Variants in ADGRD1 observed in about 807,000 individuals in gnomAD.
ADGRD1 encodes the protein adhesion G protein-coupled receptor D1, also known as G-protein coupled receptor 133.
A neutral mutation model predicts 113.4 loss-of-function variants in ADGRD1; 77 were observed. The observed-to-expected ratio is 0.68, with a 90% CI of 0.57 to 0.82. ADGRD1 has a LOEUF of 0.82. Among genes scored for constraint, ADGRD1 ranks in the 40% least tolerant of loss-of-function variants. The pLI is 0.00. For synonymous variants in ADGRD1, 474 were observed against 475.0 expected, an observed-to-expected ratio of 1.00 and a Z score of 0.03; for missense variants, 1,036 against 1,139.1, an observed-to-expected ratio of 0.91 and a Z score of 1.30.
chr12:131,133,539 G>C (rs1008315670), intron 21 of ADGRD1, among the ~76,000 whole-genome samples: 13 of 152,214 alleles, frequency 8.5e-5, no homozygotes, highest in African/African-American at 3.1e-4. Context: ...TGAAGGCATT[G>C]CCCATCCTTC....
chr12:131,122,340 A>C (rs1950618581), intron 20 of ADGRD1, among the ~76,000 whole-genome samples: 1 of 152,026 alleles, frequency 6.6e-6, no homozygotes, highest in Non-Finnish European at 1.5e-5. Context: ...CTTTCAGTGA[A>C]TCGCTGTCAG....
At chr12:130,987,036 C>T (rs1169867122) in intron 5 of ADGRD1, 59 bp from the exon 6 acceptor site, 1 of 1,507,132 alleles carries the variant, frequency 6.6e-7, no homozygotes, top group Non-Finnish European at 9.2e-7. Flanking sequence ...CAGGAAAAAC[C>T]TGTGCATGGG....
intron 23 of ADGRD1, 23 bp downstream of exon 23, chr12:131,137,037 C>T: frequency 1.3e-6 from 2 of 1,590,790 alleles, no homozygotes; most frequent in Non-Finnish European, 1.7e-6. Context: ...TGCTTGCTGG[C>T]AGGTGCAGGT....
chr12:131,122,399 G>A lies in ADGRD1; in HGVS notation c.2175+1486G>A, dbSNP rs950775198. Among the ~76,000 whole-genome samples the A allele has an allele frequency of 5.9e-5, 9 of 152,148 alleles. No homozygotes were observed. The East Asian group carries it at 1.5e-3, about 26-fold the overall frequency. ...CTGCGCGCTTGAGCTCTTAGGGTCT[G>A]GGGGCCGCAGCGCCTCCCCGGGGCT... On this transcript the variant is annotated intron_variant, in intron 20 of 24. Coordinates refer to ENST00000261654, the MANE Select transcript of ADGRD1 (RefSeq NM_198827.5).
At chr12:130,998,270 C>T (rs1476025786) in intron 8 of ADGRD1, among the ~76,000 whole-genome samples, 1 of 152,118 alleles carries the variant, frequency 6.6e-6, no homozygotes. Context: ...TACAAGACAT[C>T]TACGAGGCAG....
chr12:131,135,861 C>T (rs571969901), intron 21 of ADGRD1, among the ~76,000 whole-genome samples, 176 bp from the exon 22 acceptor site: 6 of 152,308 alleles, frequency 3.9e-5, no homozygotes, highest in Admixed American at 6.5e-5. Context: ...GTGGAAACAC[C>T]GAGGCTCCTC....
chr12:131,134,953 G>C (rs1188505515), intron 21 of ADGRD1, among the ~76,000 whole-genome samples: 4 of 152,238 alleles, frequency 2.6e-5, no homozygotes, highest in Admixed American at 1.3e-4. Flanking sequence ...ACTGGCCTGA[G>C]TGATGAGGGG....
chr12:130,966,422 C>T lies in ADGRD1; in HGVS notation c.104-41C>T. ...GGTTCTTACCCTCTGGTTCTTTCCT[C>T]TCTAATGATGATTTAAAATTTTTAT... On this transcript the variant is annotated intron_variant, in intron 2 of 24. Coordinates refer to ENST00000261654, the MANE Select transcript of ADGRD1 (RefSeq NM_198827.5). This position sits in a 1 kb window ranked among gnomAD's most constrained non-coding sequence, Gnocchi z 4.6. 2 of 1,318,810 alleles carry T rather than the reference C, an allele frequency of 1.5e-6. No homozygotes were observed. Among genetic ancestry groups the T allele is most frequent in the Non-Finnish European group, 2.2e-6 (2 of 911,320 alleles). The allele number at this position is 1,318,810 out of a possible 1,614,324, so 81.7% of individuals were successfully genotyped here.
At chr12:131,028,364 A>G (rs1880220807) in intron 13 of ADGRD1, among the ~76,000 whole-genome samples, 1 of 152,144 alleles carries the variant, frequency 6.6e-6, no homozygotes, top group Non-Finnish European at 1.5e-5. Flanking sequence ...TTTGTTTGAT[A>G]TACGTATTGC....
chr12:131,016,798 C>T (rs1032876111), intron 13 of ADGRD1, among the ~76,000 whole-genome samples: 2 of 151,796 alleles, frequency 1.3e-5, no homozygotes, highest in African/African-American at 4.8e-5. Context: ...GAGACTGAGG[C>T]AGGAGAATCA....
intron 13 of ADGRD1, among the ~76,000 whole-genome samples, chr12:131,018,755 A>G (rs996362834): frequency 3.9e-5 from 6 of 152,104 alleles, no homozygotes; most frequent in Admixed American, 3.9e-4. Context: ...CTGTTAGCAG[A>G]GGTGTTGACA....
intron 17 of ADGRD1, among the ~76,000 whole-genome samples, chr12:131,106,385 G>C (rs1282748384): frequency 1.3e-5 from 2 of 152,198 alleles, no homozygotes; most frequent in Non-Finnish European, 2.9e-5. Context: ...CATGGAGTGG[G>C]GGGTTCTCTG....
At chr12:131,071,112 GGCTAAGTGAAAGGAGGTGGA>G (rs1348317412) in intron 13 of ADGRD1, among the ~76,000 whole-genome samples, 2 of 142,652 alleles carry the variant, frequency 1.4e-5, no homozygotes, top group South Asian at 2.5e-4. Flanking sequence ...AAGGAGGTGG[GGCTAAGTGAAAGGAGGTGGA>G]GCCATGTGCA....
At chr12:131,139,007 C>T (rs1951179595) in intron 24 of ADGRD1, among the ~76,000 whole-genome samples, 161 bp from the exon 25 acceptor site, 1 of 152,206 alleles carries the variant, frequency 6.6e-6, no homozygotes, top group Non-Finnish European at 1.5e-5. Flanking sequence ...CGCACATCCT[C>T]ATCTCCCCCA....
chr12:131,044,309 G>A lies in ADGRD1; in HGVS notation c.1473+29969G>A, dbSNP rs891286585. On this transcript the variant is annotated intron_variant, in intron 13 of 24. Transcript: ENST00000261654. ...CTGTGTGCACAAAAGCATCGGGGCCGAGGAGGCCACGCTGTGTCTGCAGAG... is the reference window on the plus strand; with the variant it reads ...CTGTGTGCACAAAAGCATCGGGGCCAAGGAGGCCACGCTGTGTCTGCAGAG... Among the ~76,000 whole-genome samples the A allele has an allele frequency of 2.6e-5, 4 of 152,194 alleles. No individual in the cohort carries two copies. The South Asian group carries it at 6.2e-4, about 24-fold the overall frequency.
In ADGRD1 at chr12:130,971,683, T is replaced by C. The variant is rs754104798; in HGVS notation, c.310+103T>C. 2.7e-4 allele frequency: 349 copies of C among 1,270,510 alleles called. 1 individual carries two copies. Among genetic ancestry groups the C allele is most frequent in the Non-Finnish European group, 3.6e-4 (332 of 920,548 alleles). 78.7% of individuals were successfully genotyped at this position (1,270,510 alleles called of 1,614,324 possible). On this transcript the variant is annotated intron_variant, in intron 4 of 24. Transcript: ENST00000261654. This position sits in a 1 kb window ranked among gnomAD's most constrained non-coding sequence, Gnocchi z 4.2. Reference sequence around the variant, plus strand: ...ATGTGAACCTGAGGTTCTCATCAATTGCAGAATGCGTGAGAATGTCAACGA... The same window carrying C: ...ATGTGAACCTGAGGTTCTCATCAATCGCAGAATGCGTGAGAATGTCAACGA...
intron 24 of ADGRD1, among the ~76,000 whole-genome samples, chr12:131,138,888 C>T (rs1951176123): frequency 6.6e-6 from 1 of 152,182 alleles, no homozygotes; most frequent in African/African-American, 2.4e-5. Flanking sequence ...AGCGTGGGTG[C>T]CGGGCAGATG....
chr12:131,098,443 C>T (rs965585319), intron 15 of ADGRD1, among the ~76,000 whole-genome samples: 2 of 152,042 alleles, frequency 1.3e-5, no homozygotes, highest in Admixed American at 6.6e-5. Flanking sequence ...CAGTGTACAG[C>T]GGAACCCAAG....
In ADGRD1 at chr12:131,088,212, G is replaced by T. The variant is rs73166650; in HGVS notation, c.1671+3549G>T. On this transcript the variant is annotated intron_variant, in intron 15 of 24. Transcript: ENST00000261654. ...CAGAGAAACTGAGCCCCAGAGAGAG[G>T]GGGGCGCTTGCTGGTGGTCGCCCGT... 9.3e-3 allele frequency among the ~76,000 whole-genome samples: 1,422 copies of T among 152,322 alleles called. 11 individuals are homozygous for T. The highest frequency in any genetic ancestry group is 0.034 in the Middle Eastern group (10 of 294).
Sources: allele counts gnomAD v4.1 joint callset (sites outside exome capture counted in the v4.1 genomes callset), GRCh38; gene constraint gnomAD v4.1.1; non-coding constraint Gnocchi (gnomAD v3.1); transcripts MANE v1.5; gene names NCBI Gene and HGNC (gene_info 2026-07-23, HGNC 2026-07-21).